REPS2: variants seen among roughly 807,000 people sequenced by gnomAD.
REPS2 encodes the protein RALBP1 associated Eps domain containing 2.
Under a neutral mutation model 53.6 loss-of-function variants are expected in REPS2, and 23 were observed. The observed-to-expected ratio is 0.43, with a 90% confidence interval of 0.31 to 0.61. REPS2 has a LOEUF of 0.61. REPS2 is among the 20% of genes least tolerant of loss of function. The pLI is 0.11. For synonymous variants in REPS2, 238 were observed against 218.6 expected (o/e 1.09, Z -0.78); for missense variants, 446 against 534.9 (o/e 0.83, Z 1.64).
the REPS2 span, among the ~76,000 whole-genome samples, chrX:17,190,940 A>G: frequency 8.9e-6 from 1 of 111,805 alleles, no homozygotes; most frequent in African/African-American, 3.2e-5. Flanking sequence ...CCTTGACCCA[A>G]CTTCACAACT....
rs7891276 is a variant in REPS2 at position 17,035,162 on chromosome X, A to G, written c.771+5539A>G. ...CAGAGTGGTGTTGGCCTGAGTCAAA[A>G]GATAATTGATAGTCACCACAAATAA... is the stretch of plus-strand genomic sequence containing the variant. On this transcript the variant is annotated intron_variant, in intron 5 of 17. Transcript: ENST00000357277. Among the ~76,000 whole-genome samples, 589 of 110,467 alleles carry G rather than the reference A, an allele frequency of 5.3e-3. 4 individuals are homozygous for G. The highest frequency in any genetic ancestry group is 0.019 in the African/African-American group (564 of 30,352).
chrX:17,087,226 C>A (rs938522480), intron 13 of REPS2, among the ~76,000 whole-genome samples: 19 of 112,156 alleles, frequency 1.7e-4, no homozygotes, highest in Non-Finnish European at 1.3e-4. Context: ...GATTAATTTT[C>A]TGCAGCACAC....
intron 1 of REPS2, among the ~76,000 whole-genome samples, chrX:16,968,155 G>T (rs1023427232): frequency 9.0e-6 from 1 of 111,216 alleles, no homozygotes; most frequent in African/African-American, 3.3e-5. Context: ...CACCGGGTTG[G>T]GGGTAAGGTC....
At chrX:17,081,199 T>C (rs1034432279) in intron 13 of REPS2, among the ~76,000 whole-genome samples, 1 of 112,013 alleles carries the variant, frequency 8.9e-6, no homozygotes, top group African/African-American at 3.3e-5. Flanking sequence ...AAAGCAGTGA[T>C]TGAAGCTAAG....
Position 17,062,426 on chromosome X carries a change from G to A in REPS2, c.1115-12G>A. 8.8e-7 allele frequency: 1 copy of A among 1,137,190 alleles called. No homozygotes were observed. The highest frequency in any genetic ancestry group is 1.2e-6 in the Non-Finnish European group (1 of 835,169). 93.7% of individuals were successfully genotyped at this position (1,137,190 alleles called of 1,213,427 possible). A position where few individuals can be genotyped will look rare whatever the true frequency, so the allele number is the denominator to read the frequency against. ...GGAAATATTCTGATATATTCTTTTT[G>A]TTTCTTCTTAGCTTTTCCTAAGCCC... On this transcript the variant is annotated splice_polypyrimidine_tract_variant and intron_variant, in intron 8 of 17. Coordinates refer to ENST00000357277, the MANE Select transcript of REPS2 (RefSeq NM_004726.3).
At chrX:16,990,625 AG>A (rs1458054698) in intron 1 of REPS2, among the ~76,000 whole-genome samples, 1 of 107,393 alleles carries the variant, frequency 9.3e-6, no homozygotes, top group Non-Finnish European at 1.9e-5. Context: ...AAAAAAAAAA[AG>A]GCATCATGGG....
At chrX:17,093,796 C>T (rs1352431698) in intron 13 of REPS2, among the ~76,000 whole-genome samples, 2 of 108,318 alleles carry the variant, frequency 1.8e-5, no homozygotes, top group Non-Finnish European at 3.8e-5. Context: ...TTTTTACTTG[C>T]ACAGGTTTTT....
At chrX:17,133,997 T>G (rs1242767712) in intron 15 of REPS2, 90 bp downstream of exon 15, 2 of 662,546 alleles carry the variant, frequency 3.0e-6, no homozygotes, top group Admixed American at 2.5e-5. Flanking sequence ...GTTTTAAGGT[T>G]TCTGTGTCCT....
intron 1 of REPS2, among the ~76,000 whole-genome samples, chrX:16,979,062 C>T (rs2060990470): frequency 1.8e-5 from 2 of 111,994 alleles, no homozygotes; most frequent in African/African-American, 6.5e-5. Flanking sequence ...CTTAACTTCA[C>T]GTTGCTGTTT....
intron 13 of REPS2, 110 bp from the exon 14 acceptor site, chrX:17,103,608 T>C: frequency 1.5e-6 from 1 of 688,615 alleles, no homozygotes; most frequent in Non-Finnish European, 2.3e-6. Flanking sequence ...TGTAAAAACT[T>C]AAAGATGTTA....
In REPS2 at chrX:17,150,286, T is replaced by C. The variant is rs1015863856; in HGVS notation, c.*2805T>C. Reference sequence around the variant, plus strand: ...ACGACTCCAAAGTTAGACCTGCCTGTTGGGGAGAATTCTATAGACAGAAGG... The same window carrying C: ...ACGACTCCAAAGTTAGACCTGCCTGCTGGGGAGAATTCTATAGACAGAAGG... On this transcript the variant is annotated 3_prime_UTR_variant, in exon 18 of 18. Transcript: ENST00000357277. 8.9e-6 allele frequency: 1 copy of C among 112,493 alleles called. No individual in the cohort carries two copies. The highest frequency in any genetic ancestry group is 3.2e-5 in the African/African-American group (1 of 30,862). 9.3% of individuals were successfully genotyped at this position (112,493 alleles called of 1,213,427 possible).
the REPS2 span, among the ~76,000 whole-genome samples, chrX:17,191,263 GA>G: frequency 9.0e-6 from 1 of 111,717 alleles, no homozygotes; most frequent in Non-Finnish European, 1.9e-5. Context: ...TCAGCAATAA[GA>G]AAAATGGGCA....
chrX:17,019,732 C>T (rs908158358), intron 2 of REPS2, among the ~76,000 whole-genome samples: 1 of 111,304 alleles, frequency 9.0e-6, no homozygotes, highest in Non-Finnish European at 1.9e-5. Context: ...GAGGCTGAGG[C>T]AGGAGGATCA....
intron 13 of REPS2, among the ~76,000 whole-genome samples, chrX:17,092,403 GA>G (rs1325190291): frequency 1.8e-5 from 2 of 111,561 alleles, no homozygotes; most frequent in African/African-American, 6.5e-5. Flanking sequence ...ATAAACTTAA[GA>G]AATTGTTTTA....
At chrX:16,963,796 T>C (rs1357572140) in intron 1 of REPS2, among the ~76,000 whole-genome samples, 1 of 111,265 alleles carries the variant, frequency 9.0e-6, no homozygotes, top group African/African-American at 3.3e-5. Flanking sequence ...CTCGTACTTA[T>C]AAACCAAGAA....
intron 2 of REPS2, among the ~76,000 whole-genome samples, chrX:17,016,760 C>CTTTTTTTT (rs139092298): frequency 3.5e-4 from 22 of 63,638 alleles, no homozygotes; most frequent in Non-Finnish European, 5.2e-4. Context: ...TTTCTTTTTT[C>CTTTTTTTT]TTTTTTTTTT....
At chrX:17,091,333 A>T (rs771555286) in intron 13 of REPS2, among the ~76,000 whole-genome samples, 103 of 111,595 alleles carry the variant, frequency 9.2e-4, no homozygotes, top group African/African-American at 3.2e-3. Context: ...TATTCCCTGA[A>T]TGTAGAATAC....
At chrX:17,118,563 C>G (rs1303682293) in intron 14 of REPS2, among the ~76,000 whole-genome samples, 2 of 112,055 alleles carry the variant, frequency 1.8e-5, no homozygotes, top group Admixed American at 1.9e-4. Context: ...AGTAAGCCAG[C>G]CTGCTGTAGA....
chrX:16,971,318 T>G (rs969141857), intron 1 of REPS2, among the ~76,000 whole-genome samples: 3 of 112,485 alleles, frequency 2.7e-5, no homozygotes, highest in African/African-American at 9.7e-5. Context: ...TTTAGATCGT[T>G]TGTCCATTTT....
Sources: gnomAD v4.1 joint callset for allele counts (sites outside exome capture counted in the v4.1 genomes callset) on GRCh38, gnomAD v4.1.1 for gene constraint, MANE v1.5 for transcripts, NCBI Gene and HGNC (gene_info 2026-07-23, HGNC 2026-07-21) for gene names.